The following TBC1D5 variants were observed in gnomAD, a reference collection of about 807,000 sequenced individuals.
TBC1D5 encodes TBC1 domain family, member 5.
Under a neutral mutation model 100.3 loss-of-function variants are expected in TBC1D5, and 75 were observed. That is an observed-to-expected ratio of 0.75 (90% confidence interval 0.62 to 0.91). TBC1D5 has a LOEUF of 0.91. Among genes scored for constraint, TBC1D5 ranks in the 40% least tolerant of loss-of-function variants. TBC1D5 has a pLI of 0.00. For synonymous variants in TBC1D5, 323 were observed against 325.6 expected (o/e 0.99, Z 0.09); for missense variants, 910 against 942.4 (o/e 0.97, Z 0.45).
intron 2 of TBC1D5, among the ~76,000 whole-genome samples, chr3:17,527,314 A>G (rs1011612019): frequency 6.6e-6 from 1 of 152,210 alleles, no homozygotes; most frequent in Admixed American, 6.5e-5. Context: ...CTGAAAGAAG[A>G]GCATGCTGCG....
chr3:17,619,814 T>A (rs1214059200), intron 2 of TBC1D5, among the ~76,000 whole-genome samples: 1 of 152,174 alleles, frequency 6.6e-6, no homozygotes, highest in African/African-American at 2.4e-5. Context: ...GCAACATATA[T>A]CACAGATAAA....
chr3:17,474,763 G>C (rs889431263), intron 3 of TBC1D5, among the ~76,000 whole-genome samples: 43 of 152,070 alleles, frequency 2.8e-4, no homozygotes, highest in African/African-American at 9.7e-4. Flanking sequence ...AAATTAAACT[G>C]AATGTCAATG....
chr3:17,706,106 G>A (rs1455599039), intron 1 of TBC1D5: 33 of 1,605,982 alleles, frequency 2.1e-5, no homozygotes, highest in South Asian at 3.3e-5. Flanking sequence ...GCTTGCCCTC[G>A]AAGGTGAAGT....
intron 1 of TBC1D5, among the ~76,000 whole-genome samples, chr3:17,710,994 G>A (rs2074678068): frequency 6.6e-6 from 1 of 152,172 alleles, no homozygotes; most frequent in South Asian, 2.1e-4. Context: ...ACCATACACG[G>A]TCTGTTTTCA....
rs143005018 is a variant in TBC1D5, at chr3:17,577,024, T to C, written c.-36+46825A>G. Among the ~76,000 whole-genome samples, 160 of 152,140 alleles carry C rather than the reference T, an allele frequency of 1.1e-3. 2 individuals carry two copies. The South Asian group carries it at 0.018, about 18-fold the overall frequency. On this transcript the variant is annotated intron_variant, in intron 2 of 21. Coordinates refer to ENST00000253692, the Ensembl canonical transcript of TBC1D5. ...ATTTACACATTTAAAGGGAATTTTT[T>C]CTTGCCACTGAATAATAAGAAAAAT...
At chr3:17,434,678 C>A (rs1355274584) in intron 3 of TBC1D5, among the ~76,000 whole-genome samples, 3 of 152,180 alleles carry the variant, frequency 2.0e-5, no homozygotes, top group Non-Finnish European at 4.4e-5. Flanking sequence ...CTAGGCCACC[C>A]GACCTGTGAT....
At chr3:17,350,295 G>A (rs2090407528) in intron 13 of TBC1D5, among the ~76,000 whole-genome samples, 1 of 150,986 alleles carries the variant, frequency 6.6e-6, no homozygotes, top group Non-Finnish European at 1.5e-5. Flanking sequence ...AAAATATGAT[G>A]TGGGTTAGAG....
At chr3:17,175,981 C>T (rs900821229) in intron 19 of TBC1D5, among the ~76,000 whole-genome samples, 20 of 152,090 alleles carry the variant, frequency 1.3e-4, no homozygotes, top group Non-Finnish European at 1.9e-4. Flanking sequence ...TTTCCACAGA[C>T]GATGAGGTAG....
intron 2 of TBC1D5, among the ~76,000 whole-genome samples, chr3:17,586,833 T>C (rs1237937931): frequency 6.6e-6 from 1 of 152,074 alleles, no homozygotes; most frequent in African/African-American, 2.4e-5. Context: ...AACATCAGGC[T>C]TCACTATAAA....
intron 14 of TBC1D5, among the ~76,000 whole-genome samples, chr3:17,299,752 AG>A (rs1454372352): frequency 6.7e-6 from 1 of 149,440 alleles, no homozygotes; most frequent in African/African-American, 2.5e-5. Context: ...CCAGCTATTC[AG>A]GAGGCTGAGG....
At chr3:17,616,961 T>C (rs1334424012) in intron 2 of TBC1D5, among the ~76,000 whole-genome samples, 1 of 152,252 alleles carries the variant, frequency 6.6e-6, no homozygotes, top group East Asian at 1.9e-4. Context: ...TGCCCGTTAA[T>C]TGATGCAGTT....
intron 2 of TBC1D5, among the ~76,000 whole-genome samples, chr3:17,542,260 C>T (rs1387062773): frequency 6.6e-6 from 1 of 152,150 alleles, no homozygotes; most frequent in Non-Finnish European, 1.5e-5. Flanking sequence ...CACTGCACTC[C>T]AGCCTGGGCA....
At chr3:17,470,809 C>A (rs1316792703) in intron 3 of TBC1D5, among the ~76,000 whole-genome samples, 2 of 152,148 alleles carry the variant, frequency 1.3e-5, no homozygotes, top group East Asian at 3.9e-4. Flanking sequence ...GTAGTCCCAG[C>A]TACTCGGGAG....
chr3:17,351,065 A>C (rs559711443), intron 13 of TBC1D5, among the ~76,000 whole-genome samples: 113 of 152,286 alleles, frequency 7.4e-4, no homozygotes, highest in Non-Finnish European at 1.3e-3. Context: ...TATTATTTTA[A>C]AATATCACAC....
intron 3 of TBC1D5, among the ~76,000 whole-genome samples, chr3:17,487,242 C>A (rs1326457320): frequency 6.6e-6 from 1 of 152,108 alleles, no homozygotes; most frequent in Non-Finnish European, 1.5e-5. Context: ...AGAGAATAAT[C>A]TACTATAAAA....
At chr3:17,530,378 C>T (rs1015159632) in intron 2 of TBC1D5, among the ~76,000 whole-genome samples, 3 of 151,720 alleles carry the variant, frequency 2.0e-5, no homozygotes, top group Non-Finnish European at 4.4e-5. Context: ...AATTCATCAG[C>T]AAAAAGAGGG....
intron 1 of TBC1D5, among the ~76,000 whole-genome samples, chr3:17,654,746 T>C (rs950160857): frequency 2.0e-5 from 3 of 152,186 alleles, no homozygotes; most frequent in Admixed American, 6.5e-5. Context: ...TACCAGTTCC[T>C]CCTTGTACCC....
At chr3:17,628,195 C>T (rs1019515661) in intron 1 of TBC1D5, among the ~76,000 whole-genome samples, 3 of 151,960 alleles carry the variant, frequency 2.0e-5, no homozygotes, top group African/African-American at 7.2e-5. Context: ...ATGGCGAAAC[C>T]CCTTCTCTAC....
intron 2 of TBC1D5, among the ~76,000 whole-genome samples, chr3:17,615,866 A>AT (rs1491543337): frequency 2.0e-5 from 3 of 151,428 alleles, no homozygotes; most frequent in Admixed American, 1.3e-4. Flanking sequence ...TTTTTGAAGC[A>AT]TTTTTTGTGT....
Sources: gnomAD v4.1 joint callset for allele counts (sites outside exome capture counted in the v4.1 genomes callset) on GRCh38, gnomAD v4.1.1 for gene constraint, MANE v1.5 for transcripts, NCBI Gene and HGNC (gene_info 2026-07-23, HGNC 2026-07-21) for gene names.